ATR: variants seen among roughly 807,000 people sequenced by gnomAD.
ATR encodes serine/threonine-protein kinase ATR.
Under a neutral mutation model 305.3 loss-of-function variants are expected in ATR, and 142 were observed. The observed-to-expected ratio is 0.47, with a 90% CI of 0.41 to 0.53. The LOEUF (loss-of-function observed/expected upper bound fraction) is 0.53. ATR is among the 20% of genes least tolerant of loss of function. ATR has a pLI of 0.00. For synonymous variants in ATR, 1,050 were observed against 1,068.1 expected (o/e 0.98, Z 0.33); for missense variants, 2,135 against 3,133.1 (o/e 0.68, Z 7.60).
chr3:142,483,871 TA>T (rs1156230633), intron 36 of ATR, among the ~76,000 whole-genome samples: 1 of 137,006 alleles, frequency 7.3e-6, no homozygotes, highest in East Asian at 2.1e-4. Flanking sequence ...TAAAATAAAA[TA>T]AAATATATAT....
rs774139099 is a variant in ATR at position 142,515,447 on chromosome 3, CCCA to C, written c.4448_4450del (p.Leu1483_Gly1484delinsCys). ...TGCTGACCATTCTGCAAAGTTACTA[CCCA>C]ATTTACTTAAGTAAATTGGCTTCTT... On this transcript the variant is annotated inframe_deletion, in exon 25 of 47. Transcript: ENST00000350721. The C allele has an allele frequency of 6.2e-7, 1 of 1,613,618 alleles. No individual in the cohort carries two copies. Among genetic ancestry groups the C allele is most frequent in the South Asian group, 1.1e-5 (1 of 91,060 alleles).
intron 21 of ATR, among the ~76,000 whole-genome samples, chr3:142,529,098 T>G (rs1313810853): frequency 6.6e-6 from 1 of 151,372 alleles, no homozygotes; most frequent in Non-Finnish European, 1.5e-5. Flanking sequence ...GTCAGGCTGG[T>G]CTTGAACTCC....
intron 24 of ATR, among the ~76,000 whole-genome samples, chr3:142,516,783 A>G (rs2032879816): frequency 6.6e-6 from 1 of 151,944 alleles, no homozygotes; most frequent in Admixed American, 6.6e-5. Context: ...TACTACACCA[A>G]CTATCACTTC....
At chr3:142,456,072 T>C (rs1008825118) in intron 45 of ATR, among the ~76,000 whole-genome samples, 1 of 152,038 alleles carries the variant, frequency 6.6e-6, no homozygotes, top group Non-Finnish European at 1.5e-5. Context: ...TCCCAGCACT[T>C]TGGGAGGCTG....
At position 142,558,678 on chromosome 3, in the gene ATR, T is replaced by C. The variant is rs752930353; in HGVS notation, c.1831A>G (p.Thr611Ala). 6.2e-6 allele frequency: 10 copies of C among 1,613,368 alleles called. No homozygotes were observed. The highest frequency in any genetic ancestry group is 8.5e-6 in the Non-Finnish European group (10 of 1,179,692). ...GTTAGAAGATTAGCGGCAAATGTGG[T>C]CAACTTTAAACAGCCATCATCAGAA... ...SHSDDGCLKL[T>A]TFAANLLTLS... Residue 611 changes from threonine (T) to alanine (A), a missense_variant, in exon 8 of 47, where the codon ACC becomes GCC. Coordinates refer to ENST00000350721, the MANE Select transcript of ATR (RefSeq NM_001184.4).
chr3:142,558,293 C>A (rs62276444), intron 8 of ATR, among the ~76,000 whole-genome samples: 22,266 of 151,810 alleles, frequency 0.15, 1,995 homozygotes, highest in Middle Eastern at 0.27. Context: ...AAGGCTGGGG[C>A]AGGTGGATCA....
At position 142,550,241 on chromosome 3, in the gene ATR, T is replaced by A; in HGVS notation, c.2867A>T (p.Asn956Ile). 2 of 1,614,192 alleles carry A rather than the reference T, an allele frequency of 1.2e-6. No homozygotes were observed. The highest frequency in any genetic ancestry group is 2.7e-5 in the African/African-American group (2 of 75,062). ...MTALPNTPCQNADVRKQDVAH... is the reference protein window; with the variant it reads ...MTALPNTPCQIADVRKQDVAH... ...CACATCTTGTTTTCGCACGTCAGCATTCTGGCATGGAGTATTCGGAAGTGC... is the reference window on the plus strand; with the variant it reads ...CACATCTTGTTTTCGCACGTCAGCAATCTGGCATGGAGTATTCGGAAGTGC... Residue 956 changes from asparagine (N) to isoleucine (I), a missense_variant, in exon 14 of 47, where the codon AAT (asparagine) becomes ATT (isoleucine). Physicochemically the swap from Asn to Ile is moderately radical, Grantham distance 149 (BLOSUM62 -3). Coordinates refer to ENST00000350721, the MANE Select transcript of ATR (RefSeq NM_001184.4).
At position 142,542,647 on chromosome 3, in the gene ATR, G is replaced by A; in HGVS notation, c.3450+18C>T. On this transcript the variant is annotated intron_variant, in intron 17 of 46. Transcript: ENST00000350721. ...TGTATGAATTCTATCTTAGCACTCT[G>A]GAACTATCACCACTTACCATTTTCT... 1 of 1,591,358 alleles carries A rather than the reference G, an allele frequency of 6.3e-7. No individual in the cohort carries two copies.
chr3:142,533,783 A>G (rs1415955802), intron 21 of ATR, among the ~76,000 whole-genome samples: 2 of 152,186 alleles, frequency 1.3e-5, no homozygotes, highest in Non-Finnish European at 2.9e-5. Flanking sequence ...AGAGTACTCA[A>G]GACTCCTACA....
At chr3:142,570,456 A>G (rs111958375) in intron 1 of ATR, among the ~76,000 whole-genome samples, 10,503 of 152,092 alleles carry the variant, frequency 0.069, 885 homozygotes, top group African/African-American at 0.2. Context: ...GCGCGATCTC[A>G]GCTCACCGCA....
At chr3:142,518,142 T>C (rs1403419446) in intron 24 of ATR, among the ~76,000 whole-genome samples, 1 of 152,146 alleles carries the variant, frequency 6.6e-6, no homozygotes, top group Non-Finnish European at 1.5e-5. Context: ...CTATACAAAA[T>C]ACAGACTAAG....
intron 12 of ATR, 97 bp downstream of exon 12, chr3:142,553,543 T>A (rs1264434099): frequency 6.9e-7 from 1 of 1,440,814 alleles, no homozygotes; most frequent in Non-Finnish European, 9.6e-7. Context: ...TTGTCTATAA[T>A]ATCACAAATA....
At chr3:142,516,984 A>AATATATATATATATATATATAT (rs534243837) in intron 24 of ATR, among the ~76,000 whole-genome samples, 30 of 139,114 alleles carry the variant, frequency 2.2e-4, no homozygotes, top group South Asian at 9.0e-4. Flanking sequence ...ATACCCAAAT[A>AATATATATATATATATATATAT]ATATATATAT....
chr3:142,535,851 G>GGGTA (rs2033836413), intron 20 of ATR, among the ~76,000 whole-genome samples: 1 of 152,086 alleles, frequency 6.6e-6, no homozygotes, highest in Non-Finnish European at 1.5e-5. Context: ...ACTTTGGTCT[G>GGGTA]GGTAGTAAAG....
At chr3:142,576,297 T>A (rs1160084835) in intron 1 of ATR, among the ~76,000 whole-genome samples, 2 of 152,208 alleles carry the variant, frequency 1.3e-5, no homozygotes, top group African/African-American at 4.8e-5. Flanking sequence ...CTGCTTTGGA[T>A]ATGTTAATTT....
intron 21 of ATR, among the ~76,000 whole-genome samples, chr3:142,531,348 G>A (rs2033632919): frequency 6.6e-6 from 1 of 151,974 alleles, no homozygotes; most frequent in African/African-American, 2.4e-5. Flanking sequence ...TTGGTGTGCT[G>A]CACCCATTAA....
In ATR at chr3:142,493,331, A is replaced by C; in HGVS notation, c.5899-20T>G. On this transcript the variant is annotated intron_variant, in intron 34 of 46. Coordinates refer to ENST00000350721, the MANE Select transcript of ATR (RefSeq NM_001184.4). ...ATCACCCTAAAAGAAAAAAGGCAAC[A>C]ATAAGCCTTTTAATTTAAAAACATA... is the stretch of plus-strand genomic sequence containing the variant. 1.3e-6 allele frequency: 2 copies of C among 1,595,580 alleles called. No individual in the cohort carries two copies. Among genetic ancestry groups the C allele is most frequent in the Non-Finnish European group, 1.7e-6 (2 of 1,168,924 alleles).
chr3:142,563,295 A>T (rs897396973), intron 3 of ATR, among the ~76,000 whole-genome samples, 186 bp from the exon 4 acceptor site: 1 of 152,246 alleles, frequency 6.6e-6, no homozygotes, highest in African/African-American at 2.4e-5. Flanking sequence ...CACGTTGCAG[A>T]TACTGCATTT....
At chr3:142,516,466 A>C (rs1299018589) in intron 24 of ATR, among the ~76,000 whole-genome samples, 3 of 152,128 alleles carry the variant, frequency 2.0e-5, no homozygotes, top group Non-Finnish European at 2.9e-5. Context: ...AAGTTACAGA[A>C]TTCCTTCTAC....
Sources: gnomAD v4.1 joint callset for allele counts (sites outside exome capture counted in the v4.1 genomes callset) on GRCh38, gnomAD v4.1.1 for gene constraint, MANE v1.5 for transcripts, NCBI Gene and HGNC (gene_info 2026-07-23, HGNC 2026-07-21) for gene names.